The following THSD4 variants were observed in gnomAD, a reference collection of about 807,000 sequenced individuals.
THSD4 encodes the protein thrombospondin type 1 domain containing 4.
A neutral mutation model predicts 119.0 loss-of-function variants in THSD4; 69 were observed. That is an observed-to-expected ratio of 0.58 (90% CI 0.48 to 0.71). The LOEUF is 0.71. Ranked by LOEUF, THSD4 falls within the 30% of genes least tolerant of loss-of-function variation. THSD4 has a pLI of 0.00. For synonymous variants in THSD4, 524 were observed against 540.4 expected, an observed-to-expected ratio of 0.97 and a Z score of 0.42; for missense variants, 1,393 against 1,391.1, an observed-to-expected ratio of 1.00 and a Z score of -0.02.
chr15:71,736,531 C>T (rs1479266216), intron 10 of THSD4, among the ~76,000 whole-genome samples: 1 of 152,028 alleles, frequency 6.6e-6, no homozygotes. Context: ...CTCTGTCTCT[C>T]TTGCTCTCTG....
chr15:71,686,423 T>C (rs1010680628), intron 8 of THSD4, among the ~76,000 whole-genome samples: 9 of 152,192 alleles, frequency 5.9e-5, no homozygotes, highest in Admixed American at 3.9e-4. Context: ...ATACAGTTTA[T>C]ACCAGACAAA....
At chr15:71,518,532 G>A (rs189808499) in intron 7 of THSD4, among the ~76,000 whole-genome samples, 1 of 152,246 alleles carries the variant, frequency 6.6e-6, no homozygotes, top group Non-Finnish European at 1.5e-5. Flanking sequence ...AAAGTTTTAA[G>A]GTTTATGTTA....
intron 7 of THSD4, among the ~76,000 whole-genome samples, chr15:71,624,780 T>C (rs2050478582): frequency 6.6e-6 from 1 of 152,208 alleles, no homozygotes; most frequent in South Asian, 2.1e-4. Flanking sequence ...AAAAAGACCC[T>C]GTCAGCCTTG....
At chr15:71,530,233 C>T (rs768307505) in intron 7 of THSD4, among the ~76,000 whole-genome samples, 5 of 152,138 alleles carry the variant, frequency 3.3e-5, no homozygotes, top group Non-Finnish European at 7.3e-5. Flanking sequence ...AGCCGAATGG[C>T]AGTTACAGCA....
intron 7 of THSD4, among the ~76,000 whole-genome samples, chr15:71,657,859 A>G (rs1032578426): frequency 6.6e-5 from 10 of 152,344 alleles, no homozygotes; most frequent in African/African-American, 2.4e-4. Context: ...GAGCATTTTC[A>G]TATAATGTCT....
At chr15:71,262,421 C>T (rs973579743) in intron 6 of THSD4, among the ~76,000 whole-genome samples, 2 of 152,072 alleles carry the variant, frequency 1.3e-5, no homozygotes, top group Non-Finnish European at 2.9e-5. Flanking sequence ...TCCATTACAC[C>T]GAGCATGGGC....
At chr15:71,159,566 T>TTTTCTTGA (rs1443512177) in intron 3 of THSD4, among the ~76,000 whole-genome samples, 1 of 152,132 alleles carries the variant, frequency 6.6e-6, no homozygotes, top group African/African-American at 2.4e-5. Flanking sequence ...AATGTAATTA[T>TTTTCTTGA]TTTCTTGATT....
intron 6 of THSD4, among the ~76,000 whole-genome samples, chr15:71,279,036 C>A (rs1437673053): frequency 6.6e-6 from 1 of 152,106 alleles, no homozygotes; most frequent in Non-Finnish European, 1.5e-5. Context: ...GGTCAGATTT[C>A]AACAGGACAG....
chr15:71,441,374 C>A (rs1172583940), intron 7 of THSD4, among the ~76,000 whole-genome samples: 1 of 34,488 alleles, frequency 2.9e-5, no homozygotes, highest in Non-Finnish European at 7.3e-5. Context: ...GCCTCAGTGT[C>A]CTTGGAGAGT....
At chr15:71,129,942 C>T (rs559512498) in intron 1 of THSD4, among the ~76,000 whole-genome samples, 39 of 152,134 alleles carry the variant, frequency 2.6e-4, no homozygotes, top group Non-Finnish European at 4.7e-4. Context: ...TTATGGTGGC[C>T]GAGGCACACT....
intron 6 of THSD4, among the ~76,000 whole-genome samples, chr15:71,287,055 C>G (rs1416271653): frequency 6.6e-6 from 1 of 152,128 alleles, no homozygotes; most frequent in Non-Finnish European, 1.5e-5. Context: ...CAGTCTTTAA[C>G]AAACAACATT....
chr15:71,771,236 A>G, intron 17 of THSD4, 28 bp downstream of exon 17: 3 of 1,611,698 alleles, frequency 1.9e-6, no homozygotes, highest in Non-Finnish European at 2.5e-6. Context: ...TCATGGGGGA[A>G]AGGTTTGTGT....
rs186847974 is a variant in THSD4, at chr15:71,421,296, C to T, written c.1152+9473C>T. On this transcript the variant is annotated intron_variant, in intron 7 of 17. Coordinates refer to ENST00000261862, the MANE Select transcript of THSD4 (RefSeq NM_024817.3). ...CAACTGATTTCTTATTGCTCATTAA[C>T]ATCATTTTCTTTCTAGTCTCTTTCT... Among the ~76,000 whole-genome samples the T allele has an allele frequency of 5.3e-3, 207 of 39,210 alleles. 61 individuals carry two copies. Among genetic ancestry groups the T allele is most frequent in the Middle Eastern group, 0.024 (3 of 126 alleles). 25.7% of individuals were successfully genotyped at this position (39,210 alleles called of 152,430 possible). A position where few individuals can be genotyped will look rare whatever the true frequency, so the allele number is the denominator to read the frequency against.
At chr15:71,578,168 A>G (rs961632615) in intron 7 of THSD4, among the ~76,000 whole-genome samples, 5 of 148,642 alleles carry the variant, frequency 3.4e-5, no homozygotes, top group Non-Finnish European at 7.4e-5. Context: ...ATATATATTC[A>G]TTATATATAT....
chr15:71,757,996 A>C lies in THSD4; in HGVS notation c.2510A>C (p.Asn837Thr). Residue 837 changes from asparagine to threonine, a missense_variant, in exon 15 of 18, where the codon AAC becomes ACC. Physicochemically the swap from Asn to Thr is moderately conservative, Grantham distance 65. Transcript: ENST00000261862. ...SSLPLEGCGN[N>T]RPAEATPCDN... The stretch of plus-strand genomic sequence containing the variant: ...CTGCCCCTGGAGGGCTGTGGGAACA[A>C]CCGGCCGGCAGAGGCCACCCCATGT... 6.2e-7 allele frequency: 1 copy of C among 1,613,958 alleles called. No homozygotes were observed. The highest frequency in any genetic ancestry group is 8.5e-7 in the Non-Finnish European group (1 of 1,179,966).
intron 2 of THSD4, among the ~76,000 whole-genome samples, chr15:71,142,771 A>AG (rs1216344936): frequency 6.6e-6 from 1 of 152,264 alleles, no homozygotes; most frequent in Non-Finnish European, 1.5e-5. Context: ...ATCTGGAATG[A>AG]GGGGAAGGAA....
rs1353778311 is a variant in THSD4, at chr15:71,362,826, ATTC to A, written c.1016-48856_1016-48854del. ...TCCACTTTATTTCATTGTGTTTTAT[ATTC>A]TTCTCTATGTATACTCACTGCTTCC... On this transcript the variant is annotated intron_variant, in intron 6 of 17. Transcript: ENST00000261862. Among the ~76,000 whole-genome samples, 4 of 152,178 alleles carry A rather than the reference ATTC, an allele frequency of 2.6e-5. No homozygotes were observed. In the South Asian group the frequency reaches 8.3e-4, roughly 32 times the overall value.
chr15:71,638,488 T>C (rs982453699), intron 7 of THSD4, among the ~76,000 whole-genome samples: 1 of 152,246 alleles, frequency 6.6e-6, no homozygotes, highest in African/African-American at 2.4e-5. Flanking sequence ...TAACTGCACA[T>C]AGAATTGGCA....
At chr15:71,344,102 G>A (rs910991001) in intron 6 of THSD4, among the ~76,000 whole-genome samples, 1 of 146,788 alleles carries the variant, frequency 6.8e-6, no homozygotes, top group Admixed American at 6.9e-5. Flanking sequence ...GCAGTGGCGC[G>A]ATCTCTGCTC....
Sources: gnomAD v4.1 joint callset for allele counts (sites outside exome capture counted in the v4.1 genomes callset) on GRCh38, gnomAD v4.1.1 for gene constraint, MANE v1.5 for transcripts, NCBI Gene and HGNC (gene_info 2026-07-23, HGNC 2026-07-21) for gene names.